SNRPB2: variants seen among roughly 807,000 people sequenced by gnomAD.
SNRPB2 encodes the protein small nuclear ribonucleoprotein polypeptide B2.
A neutral mutation model predicts 26.3 loss-of-function variants in SNRPB2; 16 were observed. The ratio of observed to expected loss-of-function variants is 0.61; its 90% CI spans 0.41 to 0.92. SNRPB2 has a LOEUF of 0.92. Ranked by LOEUF, SNRPB2 falls within the 40% of genes least tolerant of loss-of-function variation. SNRPB2 has a pLI of 0.00. For missense variants in SNRPB2, 179 were observed against 268.1 expected, an observed-to-expected ratio of 0.67 and a Z score of 2.32; for synonymous variants, 75 against 89.0, an observed-to-expected ratio of 0.84 and a Z score of 0.88.
chr20:16,734,171 T>G (rs1432204646), intron 3 of SNRPB2, among the ~76,000 whole-genome samples: 1 of 152,234 alleles, frequency 6.6e-6, no homozygotes, highest in Non-Finnish European at 1.5e-5. Context: ...CCTTGCCAAC[T>G]AATTATTTTT....
rs560393065 is a variant in SNRPB2 at position 16,742,139 on chromosome 20, C to T, written c.*1134C>T. The T allele has an allele frequency of 6.6e-6, 1 of 152,168 alleles. No homozygotes were observed. Among genetic ancestry groups the T allele is most frequent in the Non-Finnish European group, 1.5e-5 (1 of 68,026 alleles). The allele number at this position is 152,168 out of a possible 1,614,324, so 9.4% of individuals were successfully genotyped here. On this transcript the variant is annotated 3_prime_UTR_variant, in exon 7 of 7. Transcript: ENST00000246071. ...AAAAATGTTTCCTATAACTTTGTCA[C>T]AGTTAGTCTGACTCTTCTGAATAAC...
intron 4 of SNRPB2, 100 bp downstream of exon 4, chr20:16,737,501 T>C: frequency 2.0e-6 from 2 of 1,019,482 alleles, no homozygotes; most frequent in Non-Finnish European, 2.7e-6. Context: ...TCTGTATATG[T>C]GCATAAATGT....
chr20:16,731,733 A>G lies in SNRPB2; in HGVS notation c.31A>G (p.Ile11Val). MDIRPNHTIY[I>V]NNMNDKIKKE... ...TATCAGACCAAATCATACAATTTAT[A>G]TCAACAATATGAATGACAAAATTAA... Residue 11 changes from isoleucine to valine, a missense_variant, in exon 2 of 7, where the codon ATC becomes GTC. Around this residue, in one of 2 missense-constraint regions of SNRPB2, gnomAD observed 145 missense variants for 180.7 expected, o/e 0.80. Coordinates refer to ENST00000246071, the MANE Select transcript of SNRPB2 (RefSeq NM_003092.5). 1 of 1,612,548 alleles carries G rather than the reference A, an allele frequency of 6.2e-7. No homozygotes were observed. Among genetic ancestry groups the G allele is most frequent in the Non-Finnish European group, 8.5e-7 (1 of 1,178,992 alleles).
At chr20:16,738,061 AAAC>A (rs2072439300) in intron 4 of SNRPB2, among the ~76,000 whole-genome samples, 2 of 151,350 alleles carry the variant, frequency 1.3e-5, no homozygotes, top group Non-Finnish European at 2.9e-5. Flanking sequence ...AGAAAAAAAA[AAAC>A]CCAAAAAACA....
At chr20:16,732,045 A>C in intron 2 of SNRPB2, 119 bp from the exon 3 acceptor site, 1 of 648,072 alleles carries the variant, frequency 1.5e-6, no homozygotes, top group Non-Finnish European at 2.6e-6. Context: ...TAAATATTAA[A>C]ATATATAACT....
chr20:16,730,668 C>T (rs77247033), intron 1 of SNRPB2: 5,175 of 152,330 alleles, frequency 0.034, 173 homozygotes, highest in South Asian at 0.15. Flanking sequence ...AGGCTCTTCC[C>T]TTGTCAATCA....
intron 2 of SNRPB2, 88 bp from the exon 3 acceptor site, chr20:16,732,076 G>C: frequency 1.3e-6 from 1 of 770,778 alleles, no homozygotes; most frequent in Non-Finnish European, 2.2e-6. Context: ...GTGAATGGTG[G>C]GGGGGGCAAC....
Position 16,741,937 on chromosome 20 carries a change from A to T in SNRPB2, c.*932A>T, listed in dbSNP as rs1410814577. 1 of 152,336 alleles carries T rather than the reference A, an allele frequency of 6.6e-6. No homozygotes were observed. The highest frequency in any genetic ancestry group is 1.9e-4 in the East Asian group (1 of 5,190). 9.4% of individuals were successfully genotyped at this position (152,336 alleles called of 1,614,324 possible). On this transcript the variant is annotated 3_prime_UTR_variant, in exon 7 of 7. Transcript: ENST00000246071. Reference sequence around the variant, plus strand: ...GACAATTTGTTTTTACAAGTATGGTACATATTAATAGTAACAACAACAAAA... The same window carrying T: ...GACAATTTGTTTTTACAAGTATGGTTCATATTAATAGTAACAACAACAAAA...
In SNRPB2 at chr20:16,732,241, A is replaced by G; in HGVS notation, c.142A>G (p.Met48Val). 2.5e-6 allele frequency: 4 copies of G among 1,602,118 alleles called. No homozygotes were observed. The highest frequency in any genetic ancestry group is 3.4e-6 in the Non-Finnish European group (4 of 1,170,938). ...CATTGTGGCTTTAAAGACCATGAAG[A>G]TGAGGGGGCAGGCCTTTGTCATATT... Reference protein sequence around the residue: ...VDIVALKTMKMRGQAFVIFKE... With the variant: ...VDIVALKTMKVRGQAFVIFKE... Residue 48 changes from methionine to valine, a missense_variant, in exon 3 of 7, where the codon ATG becomes GTG. Met to Val is a conservative substitution (Grantham distance 21). Transcript: ENST00000246071.
At chr20:16,731,536 T>C (rs2072390804) in intron 1 of SNRPB2, 132 bp from the exon 2 acceptor site, 2 of 844,770 alleles carry the variant, frequency 2.4e-6, no homozygotes, top group East Asian at 2.8e-5. Flanking sequence ...GTGCTGGAGA[T>C]ACAATAAAGG....
At chr20:16,740,232 A>C in intron 5 of SNRPB2, 93 bp from the exon 6 acceptor site, 3 of 1,550,036 alleles carry the variant, frequency 1.9e-6, no homozygotes, top group Non-Finnish European at 2.6e-6. Flanking sequence ...ATTGTTTTTC[A>C]GCTTTATTGT....
chr20:16,730,520 C>T (rs139697394), intron 1 of SNRPB2: 3 of 152,366 alleles, frequency 2.0e-5, no homozygotes, highest in South Asian at 2.1e-4. Flanking sequence ...TTCACTTTGA[C>T]CTCTGCCTCA....
At chr20:16,739,530 A>C (rs1013103306) in intron 5 of SNRPB2, among the ~76,000 whole-genome samples, 3 of 151,994 alleles carry the variant, frequency 2.0e-5, no homozygotes, top group Admixed American at 1.3e-4. Context: ...AATTCTCTGT[A>C]CCACTGAGGT....
intron 4 of SNRPB2, 78 bp from the exon 5 acceptor site, chr20:16,738,774 C>A: frequency 1.3e-6 from 1 of 768,962 alleles, no homozygotes; most frequent in Non-Finnish European, 2.3e-6. Context: ...ATTTTTAATG[C>A]AGTAATTATA....
At chr20:16,736,267 C>G (rs945910672) in intron 3 of SNRPB2, among the ~76,000 whole-genome samples, 8 of 151,486 alleles carry the variant, frequency 5.3e-5, no homozygotes, top group East Asian at 3.9e-4. Flanking sequence ...CTGGAAAGGG[C>G]AGCAGGGACA....
intron 3 of SNRPB2, among the ~76,000 whole-genome samples, chr20:16,736,725 G>A (rs566012836): frequency 1.3e-5 from 2 of 152,286 alleles, no homozygotes; most frequent in African/African-American, 4.8e-5. Context: ...GTGAGGGTAG[G>A]TTTGGAGAGG....
intron 3 of SNRPB2, among the ~76,000 whole-genome samples, chr20:16,735,655 A>G (rs1266528560): frequency 2.0e-5 from 3 of 152,226 alleles, no homozygotes; most frequent in East Asian, 1.9e-4. Flanking sequence ...AATGCAAACT[A>G]TAATTGATCA....
At chr20:16,733,541 A>G (rs539506373) in intron 3 of SNRPB2, among the ~76,000 whole-genome samples, 1 of 152,320 alleles carries the variant, frequency 6.6e-6, no homozygotes, top group South Asian at 2.1e-4. Flanking sequence ...AACAGCTAGT[A>G]TTGTGATTTT....
chr20:16,739,752 G>A (rs558321341), intron 5 of SNRPB2, among the ~76,000 whole-genome samples: 1 of 152,074 alleles, frequency 6.6e-6, no homozygotes, highest in South Asian at 2.1e-4. Context: ...ACCTCTGGGT[G>A]GGATATCAAA....
Sources: allele counts gnomAD v4.1 joint callset (sites outside exome capture counted in the v4.1 genomes callset), GRCh38; gene constraint gnomAD v4.1.1; regional missense constraint gnomAD v4.1.1; transcripts MANE v1.5; gene names NCBI Gene and HGNC (gene_info 2026-07-23, HGNC 2026-07-21).